The following MYCBP2 variants were observed in gnomAD, a reference collection of about 807,000 sequenced individuals.
The protein encoded by MYCBP2 is MYC binding protein 2.
In MYCBP2, 120 loss-of-function variants were observed where a neutral mutation model predicts 525.3. The ratio of observed to expected loss-of-function variants is 0.23; its 90% CI spans 0.20 to 0.27. The LOEUF is 0.27. MYCBP2 is among the 10% of genes least tolerant of loss of function. The pLI, the probability that MYCBP2 is intolerant of heterozygous loss-of-function variation, is 1.00. For missense variants in MYCBP2, 4,149 were observed against 5,657.1 expected (o/e 0.73, Z 8.55); for synonymous variants, 1,894 against 1,955.8 (o/e 0.97, Z 0.83).
At chr13:77,244,335 C>T (rs1032080561) in intron 15 of MYCBP2, among the ~76,000 whole-genome samples, 1 of 152,146 alleles carries the variant, frequency 6.6e-6, no homozygotes. Flanking sequence ...ATGTTGCTGT[C>T]CAGCAGATAA....
chr13:77,312,845 C>CTA (rs2154377128), intron 1 of MYCBP2, among the ~76,000 whole-genome samples: 1 of 151,974 alleles, frequency 6.6e-6, no homozygotes, highest in East Asian at 1.9e-4. Context: ...GGGCAAGGTT[C>CTA]TATACTAGTT....
intron 58 of MYCBP2, among the ~76,000 whole-genome samples, chr13:77,094,656 T>G (rs920216542): frequency 9.9e-5 from 15 of 152,172 alleles, no homozygotes; most frequent in African/African-American, 2.2e-4. Context: ...TTTACTCACC[T>G]GGGTTATTCT....
Position 77,165,327 on chromosome 13 carries a change from G to C in MYCBP2, c.6405C>G (p.Phe2135Leu), listed in dbSNP as rs773839980. 1.2e-6 allele frequency: 2 copies of C among 1,612,370 alleles called. No individual in the cohort carries two copies. The highest frequency in any genetic ancestry group is 1.7e-6 in the Non-Finnish European group (2 of 1,179,366). Residue 2135 changes from phenylalanine (F) to leucine (L), a missense_variant, in exon 42 of 83, where the codon TTC becomes TTG. Phe to Leu is a conservative substitution (Grantham distance 22). Transcript: ENST00000544440. ...CAATTGCAAAACACTTAAAACCATA[G>C]AAAGAAGCTTTGTCATCTTTCACAT... is the stretch of plus-strand genomic sequence containing the variant. ...SDYVKDDKAS[F>L]YGFKCFAIGY...
intron 37 of MYCBP2, 152 bp downstream of exon 37, chr13:77,174,159 A>G (rs2059397927): frequency 5.5e-6 from 3 of 542,910 alleles, no homozygotes; most frequent in South Asian, 1.2e-4. Context: ...TATTAAAAAG[A>G]GATTTCTTTA....
intron 30 of MYCBP2, among the ~76,000 whole-genome samples, chr13:77,186,726 T>G (rs2060755536): frequency 1.3e-5 from 2 of 151,966 alleles, no homozygotes; most frequent in South Asian, 4.1e-4. Context: ...AGATACCACC[T>G]GAATCTCAAA....
chr13:77,056,847 G>C (rs1566306091), intron 79 of MYCBP2, 139 bp downstream of exon 79: 1 of 632,056 alleles, frequency 1.6e-6, no homozygotes, highest in African/African-American at 1.8e-5. Context: ...ATATTCTCAG[G>C]TTCCACATGA....
intron 18 of MYCBP2, among the ~76,000 whole-genome samples, chr13:77,229,803 T>C (rs919967776): frequency 8.5e-5 from 13 of 152,142 alleles, no homozygotes; most frequent in African/African-American, 3.1e-4. Context: ...CCAAAGGCTA[T>C]AATATTTTCA....
chr13:77,048,825 C>T (rs994148214), intron 82 of MYCBP2, among the ~76,000 whole-genome samples: 2 of 152,102 alleles, frequency 1.3e-5, no homozygotes, highest in African/African-American at 4.8e-5. Flanking sequence ...GAAACCTGAC[C>T]CTCCTCTCTC....
chr13:77,190,371 G>T, intron 28 of MYCBP2, 36 bp from the exon 29 acceptor site: 1 of 1,201,010 alleles, frequency 8.3e-7, no homozygotes, highest in Non-Finnish European at 1.2e-6. Context: ...AAAACAACAT[G>T]ATCATTACAG....
chr13:77,302,369 G>C (rs2078895844), intron 1 of MYCBP2, among the ~76,000 whole-genome samples: 1 of 149,556 alleles, frequency 6.7e-6, no homozygotes, highest in Non-Finnish European at 1.5e-5. Context: ...TGTTGAAAAG[G>C]GCTGGGGGGT....
At chr13:77,121,159 A>G in intron 55 of MYCBP2, 1 of 342,096 alleles carries the variant, frequency 2.9e-6, no homozygotes, top group Non-Finnish European at 5.0e-6. Flanking sequence ...GCACTCTCAT[A>G]AACTTAAGCC....
At chr13:77,086,044 C>A (rs1361995450) in intron 62 of MYCBP2, among the ~76,000 whole-genome samples, 2 of 152,010 alleles carry the variant, frequency 1.3e-5, no homozygotes, top group Non-Finnish European at 2.9e-5. Flanking sequence ...GATCTTTTAT[C>A]ATTTTGTACA....
intron 59 of MYCBP2, among the ~76,000 whole-genome samples, chr13:77,092,259 T>G (rs950787260): frequency 6.6e-6 from 1 of 152,182 alleles, no homozygotes; most frequent in African/African-American, 2.4e-5. Context: ...TGTTCACAGT[T>G]ATTCGTGACT....
intron 29 of MYCBP2, 141 bp downstream of exon 29, chr13:77,190,111 A>G (rs1469965763): frequency 4.3e-6 from 2 of 459,846 alleles, no homozygotes; most frequent in Admixed American, 7.5e-5. Flanking sequence ...TTTGTTAAAT[A>G]TATTTATAGT....
intron 49 of MYCBP2, 195 bp downstream of exon 49, chr13:77,144,250 C>A (rs934124338): frequency 2.5e-5 from 14 of 554,474 alleles, no homozygotes; most frequent in Non-Finnish European, 4.5e-5. Flanking sequence ...AGTGCCTGGG[C>A]GGACACCAGA....
intron 1 of MYCBP2, among the ~76,000 whole-genome samples, chr13:77,307,698 T>G (rs183134081): frequency 6.7e-6 from 1 of 148,776 alleles, no homozygotes; most frequent in African/African-American, 2.5e-5. Flanking sequence ...ATCAAACTCA[T>G]GCAAGTCTAT....
intron 7 of MYCBP2, 105 bp from the exon 8 acceptor site, chr13:77,268,042 T>A (rs920119332): frequency 4.7e-6 from 3 of 639,014 alleles, no homozygotes; most frequent in Non-Finnish European, 8.3e-6. Flanking sequence ...CAATAATACA[T>A]CAATATTGAT....
intron 55 of MYCBP2, among the ~76,000 whole-genome samples, chr13:77,115,011 T>C (rs1031325275): frequency 1.3e-5 from 2 of 151,962 alleles, no homozygotes; most frequent in South Asian, 2.1e-4. Context: ...ATACATCATA[T>C]TGTCACAGTA....
intron 35 of MYCBP2, 86 bp from the exon 36 acceptor site, chr13:77,176,714 A>T: frequency 1.8e-6 from 2 of 1,088,000 alleles, no homozygotes; most frequent in East Asian, 3.0e-5. Context: ...TATTATTTTT[A>T]AAATTTATTT....
Sources: gnomAD v4.1 joint callset for allele counts (sites outside exome capture counted in the v4.1 genomes callset) on GRCh38, gnomAD v4.1.1 for gene constraint, MANE v1.5 for transcripts, NCBI Gene and HGNC (gene_info 2026-07-23, HGNC 2026-07-21) for gene names.